Variants in PRKCQ observed in about 807,000 individuals in gnomAD.
The protein encoded by PRKCQ is protein kinase C theta.
In PRKCQ, 41 loss-of-function variants were observed where a neutral mutation model predicts 91.2. That is an observed-to-expected ratio of 0.45 (90% confidence interval 0.35 to 0.58). The LOEUF (loss-of-function observed/expected upper bound fraction) is 0.58, where lower values mean the gene tolerates loss of function less well. Among genes scored for constraint, PRKCQ ranks in the 20% least tolerant of loss-of-function variants. PRKCQ has a pLI of 0.00. For synonymous variants in PRKCQ, 307 were observed against 316.9 expected, an observed-to-expected ratio of 0.97 and a Z score of 0.33; for missense variants, 673 against 896.5, an observed-to-expected ratio of 0.75 and a Z score of 3.18.
intron 1 of PRKCQ, among the ~76,000 whole-genome samples, chr10:6,533,797 TAATG>T (rs1839477665): frequency 6.6e-6 from 1 of 152,184 alleles, no homozygotes; most frequent in South Asian, 2.1e-4. Flanking sequence ...AAAGATTGCT[TAATG>T]AATGAGACTG....
chr10:6,467,522 G>A (rs989939832), intron 12 of PRKCQ, among the ~76,000 whole-genome samples: 2 of 152,000 alleles, frequency 1.3e-5, no homozygotes, highest in African/African-American at 2.4e-5. Context: ...TCTTTATGGC[G>A]GGTAATACAT....
At chr10:6,531,411 C>T (rs1486805586) in intron 1 of PRKCQ, among the ~76,000 whole-genome samples, 1 of 151,098 alleles carries the variant, frequency 6.6e-6, no homozygotes, top group Non-Finnish European at 1.5e-5. Context: ...GGAGGGTGTG[C>T]TTCTGGTATC....
chr10:6,435,138 A>G (rs566628295), intron 16 of PRKCQ, among the ~76,000 whole-genome samples: 1 of 152,274 alleles, frequency 6.6e-6, no homozygotes, highest in African/African-American at 2.4e-5. Flanking sequence ...GCAATCATCA[A>G]CTGGACAGCA....
intron 1 of PRKCQ, among the ~76,000 whole-genome samples, chr10:6,525,822 C>A (rs1284025947): frequency 6.6e-6 from 1 of 152,046 alleles, no homozygotes; most frequent in African/African-American, 2.4e-5. Context: ...AACTCTTCTC[C>A]CAGGGTTCCA....
intron 7 of PRKCQ, among the ~76,000 whole-genome samples, chr10:6,493,902 A>G (rs1837454728): frequency 6.6e-6 from 1 of 152,224 alleles, no homozygotes; most frequent in African/African-American, 2.4e-5. Flanking sequence ...GGAAAAACCC[A>G]GCCACTTCGC....
In PRKCQ at chr10:6,535,130, A is replaced by C. The variant is rs1588394586; in HGVS notation, c.-9-19986T>G. Among the ~76,000 whole-genome samples, 3 of 152,238 alleles carry C rather than the reference A, an allele frequency of 2.0e-5. No individual in the cohort carries two copies. The South Asian group carries it at 6.2e-4, about 32-fold the overall frequency. On this transcript the variant is annotated intron_variant, in intron 1 of 17. Coordinates refer to ENST00000263125, the MANE Select transcript of PRKCQ (RefSeq NM_006257.5). ...CTGGCTCACTTCTGCTGACTCTGAC[A>C]CTAGTTTCTTTCCACTACAAGACCT...
At chr10:6,519,602 C>T (rs604921) in intron 1 of PRKCQ, among the ~76,000 whole-genome samples, 104,771 of 151,540 alleles carry the variant, frequency 0.69, 37,581 homozygotes, top group Admixed American at 0.81. Context: ...GCATTCTTTC[C>T]CGATAAGCAA....
downstream of PRKCQ, among the ~76,000 whole-genome samples, chr10:6,423,378 A>G (rs1833048994): frequency 6.6e-6 from 1 of 152,180 alleles, no homozygotes; most frequent in Non-Finnish European, 1.5e-5. Flanking sequence ...GGGAGAAACA[A>G]GGAAGTTGGG....
chr10:6,467,296 TGAGAGA>T lies in PRKCQ; in HGVS notation c.1354-2898_1354-2893del, dbSNP rs35362449. 1.9e-3 allele frequency among the ~76,000 whole-genome samples: 218 copies of T among 111,874 alleles called. 1 individual carries two copies. Among genetic ancestry groups the T allele is most frequent in the South Asian group, 0.016 (51 of 3,226 alleles). 73.4% of individuals were successfully genotyped at this position (111,874 alleles called of 152,430 possible). ...TGCTGAGAGAGGATACCAAGCAGGCTGAGAGAGAGAGAGAGAGAGAGAGACAGAGAG... is the reference window on the plus strand; with the variant it reads ...TGCTGAGAGAGGATACCAAGCAGGCTGAGAGAGAGAGAGAGAGACAGAGAG... On this transcript the variant is annotated intron_variant, in intron 12 of 17. Transcript: ENST00000263125.
At chr10:6,473,974 G>A (rs1015469633) in intron 12 of PRKCQ, among the ~76,000 whole-genome samples, 8 of 151,926 alleles carry the variant, frequency 5.3e-5, no homozygotes, top group African/African-American at 1.5e-4. Context: ...TATTTTTCAC[G>A]TTATCCTTAG....
the PRKCQ span, among the ~76,000 whole-genome samples, chr10:6,404,956 A>ATCCTTCCTTCCTTCCT: frequency 3.9e-3 from 545 of 139,630 alleles, no homozygotes; most frequent in Middle Eastern, 0.019. Flanking sequence ...CCTTCCTTCT[A>ATCCTTCCTTCCTTCCT]TCCTTCCTTC....
intron 11 of PRKCQ, among the ~76,000 whole-genome samples, chr10:6,480,402 C>T (rs977340859): frequency 2.0e-5 from 3 of 152,186 alleles, no homozygotes; most frequent in African/African-American, 7.2e-5. Context: ...GATTTTGTGG[C>T]TCTTATATCA....
intron 1 of PRKCQ, among the ~76,000 whole-genome samples, chr10:6,572,782 G>A (rs542959711): frequency 9.2e-5 from 14 of 152,118 alleles, no homozygotes; most frequent in Admixed American, 7.8e-4. Context: ...GGTATTTCTG[G>A]TTCTAGATCT....
intron 1 of PRKCQ, among the ~76,000 whole-genome samples, chr10:6,516,190 A>G (rs115805430): frequency 0.023 from 3,523 of 152,350 alleles, 123 homozygotes; most frequent in African/African-American, 0.081. Flanking sequence ...AATCAGTAAC[A>G]TACCTGGAGA....
the PRKCQ span, among the ~76,000 whole-genome samples, chr10:6,411,427 A>G: frequency 1.3e-5 from 2 of 152,226 alleles, no homozygotes; most frequent in African/African-American, 4.8e-5. Flanking sequence ...GAAATCTCCA[A>G]AAGGTCCGGT....
chr10:6,402,371 CAAAAAAAAAAA>C, the PRKCQ span, among the ~76,000 whole-genome samples: 2 of 66,574 alleles, frequency 3.0e-5, no homozygotes, highest in African/African-American at 1.2e-4. Context: ...ATTTCAATGC[CAAAAAAAAAAA>C]AAAAAAAAAA....
Position 6,486,105 on chromosome 10 carries a change from A to G in PRKCQ, c.830T>C (p.Val277Ala). ...MNVHHRCQTK[V>A]ANLCGINQKL... ...CTGGTTTATGCCACAAAGGTTGGCCACCTTTGTCTGGCATCTATGATGCAC... is the reference window on the plus strand; with the variant it reads ...CTGGTTTATGCCACAAAGGTTGGCCGCCTTTGTCTGGCATCTATGATGCAC... The change falls in exon 9 of 18, where the codon GTG (valine) becomes GCG (alanine). Residue 277 changes from valine (V) to alanine (A), a missense_variant. Transcript: ENST00000263125. The G allele has an allele frequency of 6.2e-7, 1 of 1,614,192 alleles. No homozygotes were observed.
At chr10:6,419,070 T>A in the PRKCQ span, among the ~76,000 whole-genome samples, 2 of 152,154 alleles carry the variant, frequency 1.3e-5, no homozygotes, top group Non-Finnish European at 2.9e-5. Context: ...TATCATCTAT[T>A]TATTCTATCA....
At chr10:6,483,022 T>C (rs983932431) in intron 11 of PRKCQ, among the ~76,000 whole-genome samples, 2 of 152,016 alleles carry the variant, frequency 1.3e-5, no homozygotes, top group African/African-American at 4.8e-5. Context: ...TTATACAAGC[T>C]GGAAGATATT....
Sources: gnomAD v4.1 joint callset for allele counts (sites outside exome capture counted in the v4.1 genomes callset) on GRCh38, gnomAD v4.1.1 for gene constraint, MANE v1.5 for transcripts, NCBI Gene and HGNC (gene_info 2026-07-23, HGNC 2026-07-21) for gene names.